Variants in PDE10A observed in about 807,000 individuals in gnomAD.
PDE10A encodes the protein cAMP and cAMP-inhibited cGMP 3',5'-cyclic phosphodiesterase 10A.
A neutral mutation model predicts 97.7 loss-of-function variants in PDE10A; 39 were observed. The ratio of observed to expected loss-of-function variants is 0.40; its 90% confidence interval spans 0.31 to 0.52. The LOEUF (loss-of-function observed/expected upper bound fraction) is 0.52. PDE10A is among the 20% of genes least tolerant of loss of function. PDE10A has a pLI of 0.56. For missense variants in PDE10A, 731 were observed against 1,047.8 expected, an observed-to-expected ratio of 0.70 and a Z score of 4.17; for synonymous variants, 371 against 376.8, an observed-to-expected ratio of 0.98 and a Z score of 0.18.
At chr6:165,396,225 T>C (rs1786146754) in intron 14 of PDE10A, 92 bp downstream of exon 14, 3 of 1,195,292 alleles carry the variant, frequency 2.5e-6, no homozygotes, top group Non-Finnish European at 2.4e-6. Flanking sequence ...ATGTGTATAA[T>C]AATTGTGACT....
At chr6:165,615,575 T>C (rs1440979275) in intron 1 of PDE10A, among the ~76,000 whole-genome samples, 2 of 152,234 alleles carry the variant, frequency 1.3e-5, no homozygotes, top group Non-Finnish European at 2.9e-5. Flanking sequence ...TCATTAGATT[T>C]GTGAGTCTGA....
At position 165,473,229 on chromosome 6, in the gene PDE10A, C is replaced by T. The variant is rs751686626; in HGVS notation, c.1023+9086G>A. Reference sequence around the variant, plus strand: ...AATAATATGTGCATTGTAATTATTACCAAGTAAATATATGCATGTGAAGAA... The same window carrying T: ...AATAATATGTGCATTGTAATTATTATCAAGTAAATATATGCATGTGAAGAA... On this transcript the variant is annotated intron_variant, in intron 3 of 21. Transcript: ENST00000539869. Among the ~76,000 whole-genome samples the T allele has an allele frequency of 2.2e-4, 34 of 152,204 alleles. No homozygotes were observed. The Middle Eastern group carries it at 0.041, about 183-fold the overall frequency.
chr6:165,643,230 AGTGGGTGG>A (rs1184826150), intron 1 of PDE10A, among the ~76,000 whole-genome samples: 1 of 146,702 alleles, frequency 6.8e-6, no homozygotes, highest in Non-Finnish European at 1.5e-5. Flanking sequence ...TAGGTGAGTG[AGTGGGTGG>A]GTGGGTGGAT....
chr6:165,619,017 G>C (rs945035742), intron 1 of PDE10A, among the ~76,000 whole-genome samples: 1 of 132,964 alleles, frequency 7.5e-6, no homozygotes, highest in African/African-American at 3.0e-5. Context: ...GTCTAGTGTA[G>C]TCTAGCATAG....
chr6:165,918,123 G>C (rs1017650771), intron 1 of PDE10A, among the ~76,000 whole-genome samples: 3 of 152,126 alleles, frequency 2.0e-5, no homozygotes, highest in African/African-American at 7.2e-5. Flanking sequence ...TTGTTTAACC[G>C]CAATGGTCTC....
intron 1 of PDE10A, chr6:165,910,743 G>A (rs1369746867): frequency 1.3e-5 from 2 of 152,120 alleles, no homozygotes; most frequent in Non-Finnish European, 2.9e-5. Flanking sequence ...AATCTAATGT[G>A]TATTTACAGT....
At chr6:165,689,366 A>C (rs1181216505) in intron 1 of PDE10A, among the ~76,000 whole-genome samples, 1 of 152,190 alleles carries the variant, frequency 6.6e-6, no homozygotes, top group Non-Finnish European at 1.5e-5. Context: ...TTTGGTTCCC[A>C]GGGTTAAATG....
intron 1 of PDE10A, among the ~76,000 whole-genome samples, chr6:165,787,691 A>G (rs1403702405): frequency 6.6e-6 from 1 of 152,212 alleles, no homozygotes; most frequent in African/African-American, 2.4e-5. Context: ...TAATTCATCC[A>G]TTCAATAAAA....
chr6:165,449,668 A>C (rs190446839), intron 4 of PDE10A, among the ~76,000 whole-genome samples: 78 of 152,366 alleles, frequency 5.1e-4, no homozygotes, highest in Middle Eastern at 3.4e-3. Context: ...ACAGGTGCCT[A>C]GCATATGGTT....
chr6:165,679,525 C>T (rs1027624167), intron 1 of PDE10A, among the ~76,000 whole-genome samples: 8 of 152,200 alleles, frequency 5.3e-5, no homozygotes, highest in African/African-American at 1.9e-4. Flanking sequence ...CCTGACAGGC[C>T]TCCTGGAGAG....
rs34532096 is a variant in PDE10A at position 165,671,137 on chromosome 6, A to AT, written c.-614-127570dup. ...CCCTTTTTGGGTAAAACGTTCACTA[A>AT]TTTTTTTTTTTTTAAGAATCAACAA... On this transcript the variant is annotated intron_variant, in intron 1 of 19. Transcript: ENST00000366882. The surrounding 1 kb of genome is among the most constrained non-coding windows in gnomAD (Gnocchi z 4.6). 0.019 allele frequency among the ~76,000 whole-genome samples: 2,791 copies of AT among 149,400 alleles called. 38 individuals are homozygous for AT. The highest frequency in any genetic ancestry group is 0.027 in the Non-Finnish European group (1,815 of 67,126).
At chr6:165,548,789 C>T (rs980657763) in intron 1 of PDE10A, among the ~76,000 whole-genome samples, 2 of 152,068 alleles carry the variant, frequency 1.3e-5, no homozygotes, top group Non-Finnish European at 2.9e-5. Context: ...TGTGGTTGTC[C>T]GGTGGGACAG....
intron 2 of PDE10A, among the ~76,000 whole-genome samples, chr6:165,529,451 C>A (rs941599268): frequency 2.6e-5 from 4 of 152,080 alleles, no homozygotes; most frequent in Non-Finnish European, 5.9e-5. Flanking sequence ...GTCACTCCAC[C>A]AGGGAAAAAA....
intron 1 of PDE10A, among the ~76,000 whole-genome samples, chr6:165,764,325 A>G (rs1024069097): frequency 7.2e-5 from 11 of 152,226 alleles, no homozygotes; most frequent in Non-Finnish European, 4.4e-5. Flanking sequence ...TTATAAACCT[A>G]TTTAGAAAAT....
intron 1 of PDE10A, among the ~76,000 whole-genome samples, chr6:165,558,663 T>A: frequency 6.6e-6 from 1 of 152,224 alleles, no homozygotes; most frequent in Non-Finnish European, 1.5e-5. Context: ...TTACTATTTA[T>A]ATTTCCCCAA....
intron 1 of PDE10A, among the ~76,000 whole-genome samples, chr6:165,792,038 C>A (rs1399237310): frequency 2.6e-5 from 4 of 152,180 alleles, no homozygotes; most frequent in African/African-American, 9.7e-5. Context: ...CCCCCGCACG[C>A]AGCCCAGCCT....
intron 17 of PDE10A, among the ~76,000 whole-genome samples, chr6:165,383,017 G>C (rs769958369): frequency 6.6e-6 from 1 of 152,074 alleles, no homozygotes; most frequent in Non-Finnish European, 1.5e-5. Flanking sequence ...AGACGAATTG[G>C]AAGAACTCTC....
chr6:165,853,568 T>G (rs1466002206), intron 1 of PDE10A, among the ~76,000 whole-genome samples: 1 of 152,218 alleles, frequency 6.6e-6, no homozygotes, highest in Non-Finnish European at 1.5e-5. Context: ...ATCCCAAGAT[T>G]GCTTTCACCT....
rs550241271 is a variant in PDE10A, at chr6:165,813,409, G to A, written c.-615+174120C>T. On this transcript the variant is annotated intron_variant, in intron 1 of 19. Coordinates refer to the PDE10A transcript ENST00000366882. ...GCATATGTTATGGAGACATGGAGAC[G>A]TGACCGTCTGCTACTGTCGTCTGGA... 2.4e-4 allele frequency among the ~76,000 whole-genome samples: 36 copies of A among 148,116 alleles called. No homozygotes were observed. The South Asian group carries it at 6.3e-3, about 26-fold the overall frequency.
Sources: gnomAD v4.1 joint callset for allele counts (sites outside exome capture counted in the v4.1 genomes callset) on GRCh38, gnomAD v4.1.1 for gene constraint, Gnocchi (gnomAD v3.1) non-coding constraint, MANE v1.5 for transcripts, NCBI Gene and HGNC (gene_info 2026-07-23, HGNC 2026-07-21) for gene names.